The following RUNDC3B variants were observed in gnomAD, a reference collection of about 807,000 sequenced individuals.
RUNDC3B encodes the protein RUN domain-containing protein 3B.
In RUNDC3B, 33 loss-of-function variants were observed where a neutral mutation model predicts 58.4. That is an observed-to-expected ratio of 0.56 (90% CI 0.43 to 0.75). RUNDC3B has a LOEUF of 0.75. Ranked by LOEUF, RUNDC3B falls within the 30% of genes least tolerant of loss-of-function variation. RUNDC3B has a pLI of 0.00. For missense variants in RUNDC3B, 501 were observed against 535.7 expected, an observed-to-expected ratio of 0.94 and a Z score of 0.64; for synonymous variants, 193 against 195.2, an observed-to-expected ratio of 0.99 and a Z score of 0.10.
intron 6 of RUNDC3B, among the ~76,000 whole-genome samples, chr7:87,745,814 A>T (rs1299918192): frequency 6.6e-6 from 1 of 151,332 alleles, no homozygotes; most frequent in African/African-American, 2.4e-5. Flanking sequence ...TTCTGCTCTG[A>T]TCTTGGTGAT....
chr7:87,764,574 T>A (rs1833876789), intron 6 of RUNDC3B, among the ~76,000 whole-genome samples: 1 of 151,796 alleles, frequency 6.6e-6, no homozygotes, highest in Admixed American at 6.6e-5. Flanking sequence ...GTCTCCCCAC[T>A]TTTAGAGTCC....
intron 6 of RUNDC3B, among the ~76,000 whole-genome samples, chr7:87,766,928 C>T (rs1224920230): frequency 6.6e-6 from 1 of 151,956 alleles, no homozygotes; most frequent in Non-Finnish European, 1.5e-5. Flanking sequence ...TTCTTGAAGG[C>T]TTTGTTGATT....
At chr7:87,684,618 C>T (rs978969185) in intron 2 of RUNDC3B, among the ~76,000 whole-genome samples, 3 of 151,658 alleles carry the variant, frequency 2.0e-5, no homozygotes, top group South Asian at 2.1e-4. Flanking sequence ...CATGGTAGCA[C>T]GTGCCTGTAG....
chr7:87,754,429 A>G (rs1833230792), intron 6 of RUNDC3B, among the ~76,000 whole-genome samples: 3 of 152,238 alleles, frequency 2.0e-5, no homozygotes, highest in Non-Finnish European at 2.9e-5. Context: ...TCTGTGGGAC[A>G]GAGCTAAGGC....
chr7:87,634,903 T>C (rs1821610352), intron 1 of RUNDC3B, among the ~76,000 whole-genome samples: 1 of 152,174 alleles, frequency 6.6e-6, no homozygotes, highest in Non-Finnish European at 1.5e-5. Flanking sequence ...ATGCGCACAA[T>C]GGAGGTAGGA....
At chr7:87,791,372 T>C (rs2130906827) in intron 8 of RUNDC3B, among the ~76,000 whole-genome samples, 1 of 151,986 alleles carries the variant, frequency 6.6e-6, no homozygotes, top group Non-Finnish European at 1.5e-5. Context: ...TGTTAATGAG[T>C]AAGAAGAAAT....
chr7:87,645,605 A>C (rs149034641), intron 1 of RUNDC3B, among the ~76,000 whole-genome samples: 2 of 152,366 alleles, frequency 1.3e-5, no homozygotes, highest in Non-Finnish European at 2.9e-5. Flanking sequence ...TTATTTAAAA[A>C]TCATTCCTTT....
At chr7:87,752,209 A>C (rs1833049275) in intron 6 of RUNDC3B, among the ~76,000 whole-genome samples, 2 of 152,178 alleles carry the variant, frequency 1.3e-5, no homozygotes, top group African/African-American at 4.8e-5. Flanking sequence ...CCAGCCTTGC[A>C]TCCCAGGGAT....
intron 4 of RUNDC3B, among the ~76,000 whole-genome samples, chr7:87,716,843 C>T (rs1223384875): frequency 6.6e-6 from 1 of 152,126 alleles, no homozygotes; most frequent in Non-Finnish European, 1.5e-5. Flanking sequence ...ATTATTACTT[C>T]TATGATTTTT....
At chr7:87,778,694 A>G (rs118164934) in intron 8 of RUNDC3B, among the ~76,000 whole-genome samples, 2,986 of 152,208 alleles carry the variant, frequency 0.02, 23 homozygotes, top group Middle Eastern at 0.031. Flanking sequence ...AGAGTTTAGG[A>G]TAGCTGAGTT....
At chr7:87,828,197 A>G (rs1437362919) in intron 10 of RUNDC3B, among the ~76,000 whole-genome samples, 3 of 152,154 alleles carry the variant, frequency 2.0e-5, no homozygotes, top group Non-Finnish European at 4.4e-5. Context: ...TATGTTCAGT[A>G]ATTATTATAC....
At chr7:87,748,998 T>G (rs969997246) in intron 6 of RUNDC3B, among the ~76,000 whole-genome samples, 2 of 152,182 alleles carry the variant, frequency 1.3e-5, no homozygotes, top group Non-Finnish European at 2.9e-5. Flanking sequence ...TGTCTGTATT[T>G]TACAAATGAG....
intron 1 of RUNDC3B, among the ~76,000 whole-genome samples, chr7:87,649,606 A>G (rs1424206516): frequency 6.6e-6 from 1 of 152,202 alleles, no homozygotes; most frequent in East Asian, 1.9e-4. Context: ...AAATAGAGAC[A>G]AAGGACATTC....
In RUNDC3B at chr7:87,628,911, G is replaced by T; in HGVS notation, c.88G>T (p.Ala30Ser). 7.6e-7 allele frequency: 1 copy of T among 1,309,244 alleles called. No individual in the cohort carries two copies. Among genetic ancestry groups the T allele is most frequent in the Non-Finnish European group, 9.8e-7 (1 of 1,020,690 alleles). 81.1% of individuals were successfully genotyped at this position (1,309,244 alleles called of 1,614,324 possible). A position where few individuals can be genotyped will look rare whatever the true frequency, so the allele number is the denominator to read the frequency against. ...GAAAAGCCTGAGCGCCCGCAATGCT[G>T]CGGTGGAGAGGAGGAACCTGATCAC... ...GKKSLSARNAAVERRNLITVC... is the reference protein window; with the variant it reads ...GKKSLSARNASVERRNLITVC... Residue 30 changes from alanine (A) to serine (S), a missense_variant, in exon 1 of 11, where the codon GCG becomes TCG. Transcript: ENST00000394654.
rs1306634087 is a variant in RUNDC3B at position 87,770,685 on chromosome 7, A to G, written c.734A>G (p.Glu245Gly). ...ENVGPPFLMD[E>G]NSWFNKCKRV... ...GTCGGACCTCCTTTCCTCATGGATGAGAACAGTTGGTTCAACAAGTGTAAG... is the reference window on the plus strand; with the variant it reads ...GTCGGACCTCCTTTCCTCATGGATGGGAACAGTTGGTTCAACAAGTGTAAG... Residue 245 changes from glutamate (E) to glycine (G), a missense_variant, in exon 7 of 11, where the codon GAG (glutamate) becomes GGG (glycine). Glu to Gly is a moderately conservative substitution (Grantham distance 98). Coordinates refer to ENST00000394654, the MANE Select transcript of RUNDC3B (RefSeq NM_001134405.2). 1 of 1,613,568 alleles carries G rather than the reference A, an allele frequency of 6.2e-7. No homozygotes were observed.
chr7:87,674,713 G>A (rs973536046), intron 2 of RUNDC3B, among the ~76,000 whole-genome samples: 3 of 152,096 alleles, frequency 2.0e-5, no homozygotes, highest in Non-Finnish European at 4.4e-5. Context: ...GCATGATAGG[G>A]CCCCCAGGAA....
intron 8 of RUNDC3B, among the ~76,000 whole-genome samples, chr7:87,780,058 T>G (rs1834841212): frequency 6.6e-6 from 1 of 152,214 alleles, no homozygotes; most frequent in African/African-American, 2.4e-5. Context: ...GTTGATTCTA[T>G]GACTTTGCTA....
chr7:87,701,451 T>C (rs763834007), intron 3 of RUNDC3B, among the ~76,000 whole-genome samples: 1 of 152,220 alleles, frequency 6.6e-6, no homozygotes, highest in Non-Finnish European at 1.5e-5. Flanking sequence ...TCAACAAATG[T>C]ATTTTTAAAT....
At chr7:87,637,699 T>C (rs1299439118) in intron 1 of RUNDC3B, among the ~76,000 whole-genome samples, 1 of 152,104 alleles carries the variant, frequency 6.6e-6, no homozygotes, top group Non-Finnish European at 1.5e-5. Flanking sequence ...CATTGAAAAC[T>C]TTTCATTTTC....
Sources: gnomAD v4.1 joint callset for allele counts (sites outside exome capture counted in the v4.1 genomes callset) on GRCh38, gnomAD v4.1.1 for gene constraint, MANE v1.5 for transcripts, NCBI Gene and HGNC (gene_info 2026-07-23, HGNC 2026-07-21) for gene names.